GRIP1: variants seen among roughly 807,000 people sequenced by gnomAD.
GRIP1 encodes glutamate receptor-interacting protein 1.
Under a neutral mutation model 129.9 loss-of-function variants are expected in GRIP1, and 45 were observed. The ratio of observed to expected loss-of-function variants is 0.35; its 90% CI spans 0.27 to 0.44. The LOEUF is 0.44. Ranked by LOEUF, GRIP1 falls within the 20% of genes least tolerant of loss-of-function variation. The pLI is 1.00. For missense variants in GRIP1, 1,196 were observed against 1,396.8 expected (o/e 0.86, Z 2.29); for synonymous variants, 530 against 520.8 (o/e 1.02, Z -0.24).
chr12:66,509,313 A>C (rs1592453771), intron 7 of GRIP1, among the ~76,000 whole-genome samples: 2 of 152,328 alleles, frequency 1.3e-5, no homozygotes, highest in East Asian at 3.9e-4. Context: ...CGAGCACTTT[A>C]CATGTATTCA....
chr12:66,727,339 A>G (rs564716069), intron 1 of GRIP1, among the ~76,000 whole-genome samples: 6 of 152,346 alleles, frequency 3.9e-5, no homozygotes, highest in Admixed American at 1.3e-4. Flanking sequence ...GGATTCTGGC[A>G]TAAGTGACAG....
At chr12:66,842,963 T>C (rs966992512) in intron 1 of GRIP1, among the ~76,000 whole-genome samples, 1 of 152,148 alleles carries the variant, frequency 6.6e-6, no homozygotes, top group African/African-American at 2.4e-5. Context: ...GTTGTTAAAG[T>C]TGTCAAAATA....
intron 1 of GRIP1, among the ~76,000 whole-genome samples, chr12:66,904,729 T>TA (rs1350382727): frequency 6.6e-6 from 1 of 151,962 alleles, no homozygotes; most frequent in East Asian, 1.9e-4. Context: ...CATCTTCTAT[T>TA]AAAAATACAA....
intron 5 of GRIP1, among the ~76,000 whole-genome samples, chr12:66,525,001 A>G (rs1592484279): frequency 6.6e-6 from 1 of 152,210 alleles, no homozygotes; most frequent in East Asian, 1.9e-4. Flanking sequence ...ATCTCTGAAT[A>G]GACCAATAAC....
chr12:66,548,266 G>C (rs747128787), intron 2 of GRIP1, among the ~76,000 whole-genome samples: 18 of 152,122 alleles, frequency 1.2e-4, no homozygotes, highest in Admixed American at 5.2e-4. Context: ...TATTTCATTT[G>C]GCCTGGAGGT....
rs1592628239 is a variant in GRIP1, at chr12:66,600,946, T to C, written c.56-4019A>G. On this transcript the variant is annotated intron_variant, in intron 1 of 24. Transcript: ENST00000359742. ...TTCTAACGACATCTTAGCAGCTAGG[T>C]AATCACCGTCACACATGATGGCCCT... is the stretch of plus-strand genomic sequence containing the variant. Among the ~76,000 whole-genome samples, 6 of 152,186 alleles carry C rather than the reference T, an allele frequency of 3.9e-5. No individual in the cohort carries two copies. In the South Asian group the frequency reaches 1.0e-3, roughly 26 times the overall value.
At chr12:66,941,204 C>T (rs973143883) in intron 1 of GRIP1, among the ~76,000 whole-genome samples, 12 of 152,010 alleles carry the variant, frequency 7.9e-5, no homozygotes, top group African/African-American at 2.9e-4. Flanking sequence ...TTAAGAGGCC[C>T]TGAGAACAGT....
At chr12:66,748,207 G>T (rs539145075) in intron 1 of GRIP1, among the ~76,000 whole-genome samples, 5 of 152,176 alleles carry the variant, frequency 3.3e-5, no homozygotes, top group African/African-American at 1.2e-4. Flanking sequence ...AGTAGAGATG[G>T]GGTTTCACCT....
At chr12:66,868,992 T>G (rs1252269) in intron 1 of GRIP1, among the ~76,000 whole-genome samples, 109,635 of 151,964 alleles carry the variant, frequency 0.72, 43,182 homozygotes, top group South Asian at 0.89. Flanking sequence ...AACCTGAACT[T>G]TCATGCATGG....
intron 1 of GRIP1, among the ~76,000 whole-genome samples, chr12:66,791,055 T>C (rs1055437069): frequency 6.6e-6 from 1 of 152,122 alleles, no homozygotes; most frequent in Non-Finnish European, 1.5e-5. Flanking sequence ...GACCACTAAA[T>C]TTGGAATAAG....
intron 7 of GRIP1, among the ~76,000 whole-genome samples, chr12:66,477,454 C>T (rs1249875096): frequency 6.6e-6 from 1 of 151,760 alleles, no homozygotes; most frequent in East Asian, 1.9e-4. Flanking sequence ...CCATACTGCC[C>T]CAGGTAATTT....
At chr12:66,519,977 T>TTTA (rs2138972260) in intron 5 of GRIP1, among the ~76,000 whole-genome samples, 2 of 152,366 alleles carry the variant, frequency 1.3e-5, no homozygotes, top group South Asian at 4.1e-4. Context: ...GAACATCATT[T>TTTA]TTATTCTATG....
At chr12:66,752,606 C>T (rs868851478) in intron 1 of GRIP1, among the ~76,000 whole-genome samples, 16 of 152,070 alleles carry the variant, frequency 1.1e-4, no homozygotes, top group South Asian at 1.0e-3. Context: ...ATACAGAGGC[C>T]CCTTAGTTGC....
In GRIP1 at chr12:66,660,511, C is replaced by A. The variant is rs566068712; in HGVS notation, c.55+18339G>T. Among the ~76,000 whole-genome samples the A allele has an allele frequency of 1.1e-4, 16 of 152,232 alleles. No individual in the cohort carries two copies. The South Asian group carries it at 3.1e-3, about 30-fold the overall frequency. On this transcript the variant is annotated intron_variant, in intron 1 of 24. Coordinates refer to ENST00000359742, the MANE Select transcript of GRIP1 (RefSeq NM_001366722.1). ...TCAATTAGTTATTATTAATCAAGGTCTGTTAAACAAGATTTGTATTGTATA... is the reference window on the plus strand; with the variant it reads ...TCAATTAGTTATTATTAATCAAGGTATGTTAAACAAGATTTGTATTGTATA...
At chr12:66,828,898 T>C (rs937591499) in intron 1 of GRIP1, among the ~76,000 whole-genome samples, 3 of 152,162 alleles carry the variant, frequency 2.0e-5, no homozygotes, top group South Asian at 2.1e-4. Flanking sequence ...AGTGCTGTTG[T>C]TCATAGAAGC....
chr12:66,805,730 A>T (rs2038976594), upstream of GRIP1, among the ~76,000 whole-genome samples: 1 of 152,176 alleles, frequency 6.6e-6, no homozygotes, highest in African/African-American at 2.4e-5. Flanking sequence ...ATGATGGAGC[A>T]GGGAGAAATT....
intron 1 of GRIP1, among the ~76,000 whole-genome samples, chr12:66,854,942 C>G (rs1358302109): frequency 1.3e-5 from 2 of 152,024 alleles, no homozygotes; most frequent in East Asian, 3.9e-4. Flanking sequence ...TAAAGAGAAA[C>G]TACTTACTCT....
Position 66,353,496 on chromosome 12 carries a change from TTC to T in GRIP1, c.3078_3079del (p.Lys1027ArgfsTer22). 6.2e-7 allele frequency: 1 copy of T among 1,613,194 alleles called. No individual in the cohort carries two copies. The highest frequency in any genetic ancestry group is 8.5e-7 in the Non-Finnish European group (1 of 1,179,178). The stretch of plus-strand genomic sequence containing the variant: ...GCGAATATTTTTGACATACACTCCT[TTC>T]TCCAGTAAGCCATCTGCTACACTGA... On this transcript the variant is annotated frameshift_variant, in exon 24 of 25. Coordinates refer to ENST00000359742, the MANE Select transcript of GRIP1 (RefSeq NM_001366722.1). LOFTEE classifies it high-confidence loss of function.
intron 1 of GRIP1, among the ~76,000 whole-genome samples, chr12:66,664,759 T>G (rs182803343): frequency 1.3e-5 from 2 of 152,328 alleles, no homozygotes; most frequent in Admixed American, 1.3e-4. Context: ...GTATCTCAAT[T>G]ATGATAAGCA....
Sources: gnomAD v4.1 joint callset for allele counts (sites outside exome capture counted in the v4.1 genomes callset) on GRCh38, gnomAD v4.1.1 for gene constraint, MANE v1.5 for transcripts, NCBI Gene and HGNC (gene_info 2026-07-23, HGNC 2026-07-21) for gene names.